PRKCE: variants seen among roughly 807,000 people sequenced by gnomAD.
The protein encoded by PRKCE is protein kinase C epsilon type.
In PRKCE, 16 loss-of-function variants were observed where a neutral mutation model predicts 85.4. The ratio of observed to expected loss-of-function variants is 0.19; its 90% CI spans 0.13 to 0.28. PRKCE has a LOEUF of 0.28. Ranked by LOEUF, PRKCE falls within the 10% of genes least tolerant of loss-of-function variation. The pLI is 1.00. For missense variants in PRKCE, 573 were observed against 975.2 expected (o/e 0.59, Z 5.49); for synonymous variants, 388 against 371.5 (o/e 1.04, Z -0.51).
intron 10 of PRKCE, among the ~76,000 whole-genome samples, chr2:46,069,598 T>A (rs1667901234): frequency 6.6e-6 from 1 of 152,210 alleles, no homozygotes; most frequent in Non-Finnish European, 1.5e-5. Flanking sequence ...ACAGTTTATA[T>A]GGGCCCTTAT....
At chr2:45,869,664 T>C (rs12473396) in intron 2 of PRKCE, among the ~76,000 whole-genome samples, 23,736 of 151,042 alleles carry the variant, frequency 0.16, 2,209 homozygotes, top group East Asian at 0.38. Flanking sequence ...CCCCAAGGTC[T>C]GTTACATTTT....
intron 1 of PRKCE, among the ~76,000 whole-genome samples, chr2:45,731,429 T>C (rs1681563429): frequency 6.6e-6 from 1 of 152,116 alleles, no homozygotes; most frequent in Non-Finnish European, 1.5e-5. Context: ...GTAAAAATCA[T>C]TTGTCTGGAG....
chr2:45,998,978 C>G (rs1039527647), intron 6 of PRKCE, among the ~76,000 whole-genome samples: 6 of 152,146 alleles, frequency 3.9e-5, no homozygotes, highest in African/African-American at 1.2e-4. Context: ...CCTAATTCCT[C>G]CCTGCCATCC....
At chr2:46,153,444 G>T (rs77889235) in intron 13 of PRKCE, among the ~76,000 whole-genome samples, 1 of 152,120 alleles carries the variant, frequency 6.6e-6, no homozygotes, top group Non-Finnish European at 1.5e-5. Context: ...GTACTAAATG[G>T]TAACAAGTGC....
At position 45,942,395 on chromosome 2, in the gene PRKCE, G is replaced by A. The variant is rs140600292; in HGVS notation, c.413-34034G>A. ...TGCAAGTGAGAAAAAAATCATATAG[G>A]CAGTATGTTCCTCCCTGAAATCCAT... is the stretch of plus-strand genomic sequence containing the variant. On this transcript the variant is annotated intron_variant, in intron 2 of 14. Coordinates refer to ENST00000306156, the MANE Select transcript of PRKCE (RefSeq NM_005400.3). 1.6e-3 allele frequency among the ~76,000 whole-genome samples: 243 copies of A among 152,250 alleles called. 2 individuals are homozygous for A. The highest frequency in any genetic ancestry group is 5.7e-3 in the African/African-American group (237 of 41,534).
chr2:45,747,977 G>T (rs1683270628), intron 1 of PRKCE, among the ~76,000 whole-genome samples: 1 of 151,986 alleles, frequency 6.6e-6, no homozygotes, highest in African/African-American at 2.4e-5. Context: ...CTTCTTTGGA[G>T]AAATGTCTGT....
At chr2:45,706,606 T>A (rs1015121057) in intron 1 of PRKCE, among the ~76,000 whole-genome samples, 34 of 152,232 alleles carry the variant, frequency 2.2e-4, no homozygotes, top group African/African-American at 8.2e-4. Context: ...TTTGCACATG[T>A]CTCAATCTCT....
At chr2:45,998,306 A>G (rs1257674679) in intron 6 of PRKCE, among the ~76,000 whole-genome samples, 2 of 152,250 alleles carry the variant, frequency 1.3e-5, no homozygotes, top group African/African-American at 4.8e-5. Context: ...TAGCAGCATC[A>G]TCTGTTTCTC....
chr2:45,675,152 G>C (rs1405295983), intron 1 of PRKCE, among the ~76,000 whole-genome samples: 1 of 152,126 alleles, frequency 6.6e-6, no homozygotes, highest in East Asian at 1.9e-4. Context: ...ATTATAAAGA[G>C]AAAAATCCCC....
intron 1 of PRKCE, among the ~76,000 whole-genome samples, chr2:45,732,303 G>A (rs1681647805): frequency 6.6e-6 from 1 of 152,122 alleles, no homozygotes; most frequent in African/African-American, 2.4e-5. Context: ...GCCATTTTAA[G>A]TACATTCTAC....
intron 1 of PRKCE, among the ~76,000 whole-genome samples, chr2:45,739,328 T>C (rs930088858): frequency 1.1e-4 from 16 of 152,182 alleles, no homozygotes; most frequent in African/African-American, 3.6e-4. Flanking sequence ...CACAGAAGAC[T>C]GAAGTGCCTG....
Position 45,836,209 on chromosome 2 carries a change from A to C in PRKCE, c.349-6791A>C, listed in dbSNP as rs574820845. Among the ~76,000 whole-genome samples, 7 of 152,360 alleles carry C rather than the reference A, an allele frequency of 4.6e-5. No homozygotes were observed. In the South Asian group the frequency reaches 1.2e-3, roughly 27 times the overall value. On this transcript the variant is annotated intron_variant, in intron 1 of 14. Coordinates refer to ENST00000306156, the MANE Select transcript of PRKCE (RefSeq NM_005400.3). The stretch of plus-strand genomic sequence containing the variant: ...AGGGTCCTGCTTTGCAGGGATGTAC[A>C]CTGAAGCCTGCATGTCTTTGCACTG...
chr2:45,795,194 G>A (rs1422349203), intron 1 of PRKCE, among the ~76,000 whole-genome samples: 1 of 152,140 alleles, frequency 6.6e-6, no homozygotes, highest in Non-Finnish European at 1.5e-5. Flanking sequence ...TGGGCGTGTC[G>A]TGGAGTGACC....
At chr2:46,131,861 G>A (rs553225431) in intron 11 of PRKCE, among the ~76,000 whole-genome samples, 3 of 152,254 alleles carry the variant, frequency 2.0e-5, no homozygotes, top group African/African-American at 7.2e-5. Flanking sequence ...CCATTGGCAG[G>A]TTTGAGGTTT....
At chr2:45,850,559 C>T (rs1312105312) in intron 2 of PRKCE, among the ~76,000 whole-genome samples, 4 of 152,210 alleles carry the variant, frequency 2.6e-5, no homozygotes, top group African/African-American at 7.2e-5. Context: ...TTAGAGTTGT[C>T]TGTCTTTCAG....
chr2:46,106,443 G>A (rs928816117), intron 11 of PRKCE, among the ~76,000 whole-genome samples: 4 of 152,208 alleles, frequency 2.6e-5, no homozygotes, highest in African/African-American at 7.2e-5. Context: ...CTAGAGTACT[G>A]CAATAGTTTG....
chr2:45,984,655 C>G lies in PRKCE; in HGVS notation c.798C>G (p.Leu266=). 6.3e-7 allele frequency: 1 copy of G among 1,599,660 alleles called. No individual in the cohort carries two copies. Among genetic ancestry groups the G allele is most frequent in the East Asian group, 2.2e-5 (1 of 44,880 alleles). Residue 266 remains leucine, a synonymous_variant, in exon 6 of 15, where the codon CTC becomes CTG. Coordinates refer to ENST00000306156, the MANE Select transcript of PRKCE (RefSeq NM_005400.3). ...CDHCGSLLWG[L]LRQGLQCKVC... ...ACTGTGGGTCCCTGCTCTGGGGACT[C>G]TTGCGGCAGGGTTTGCAGTGTAAAG... is the stretch of plus-strand genomic sequence containing the variant.
At chr2:46,118,184 G>A (rs1672959954) in intron 11 of PRKCE, among the ~76,000 whole-genome samples, 1 of 152,244 alleles carries the variant, frequency 6.6e-6, no homozygotes, top group Non-Finnish European at 1.5e-5. Flanking sequence ...ATCAACTGGA[G>A]AGACTCCTTT....
chr2:45,797,363 G>A (rs1019251968), intron 1 of PRKCE, among the ~76,000 whole-genome samples: 3 of 152,154 alleles, frequency 2.0e-5, no homozygotes, highest in African/African-American at 7.2e-5. Context: ...AGCTCTCCAC[G>A]ACTGCGGTAA....
Sources: gnomAD v4.1 joint callset for allele counts (sites outside exome capture counted in the v4.1 genomes callset) on GRCh38, gnomAD v4.1.1 for gene constraint, MANE v1.5 for transcripts, NCBI Gene and HGNC (gene_info 2026-07-23, HGNC 2026-07-21) for gene names.